Variants in OR1L8 observed in about 807,000 individuals in gnomAD.
OR1L8 encodes olfactory receptor family 1 subfamily L member 8.
For synonymous variants in OR1L8, 148 were observed against 147.0 expected (o/e 1.01, Z -0.05); for missense variants, 330 against 377.4 (o/e 0.87, Z 1.04).
At position 122,568,674 on chromosome 9, in the gene OR1L8, G is replaced by T; in HGVS notation, c.-197C>A. 2.0e-6 allele frequency: 1 copy of T among 506,836 alleles called. No homozygotes were observed. The highest frequency in any genetic ancestry group is 3.4e-6 in the Non-Finnish European group (1 of 290,032). 31.4% of individuals were successfully genotyped at this position (506,836 alleles called of 1,614,324 possible). ...TTCCCAAATCTATGGGCTCCATAAG[G>T]GCATTATATTGAAATCTGGAGGGAC... is the stretch of plus-strand genomic sequence containing the variant. On this transcript the variant is annotated 5_prime_UTR_variant, in exon 5 of 5. Transcript: ENST00000641027.
At chr9:122,580,988 A>ACT (rs1251722649) in intron 1 of OR1L8, among the ~76,000 whole-genome samples, 1 of 152,136 alleles carries the variant, frequency 6.6e-6, no homozygotes, top group Admixed American at 6.6e-5. Context: ...ATTAAGCAAT[A>ACT]CTCAGTGTCT....
At position 122,568,793 on chromosome 9, in the gene OR1L8, C is replaced by T. The variant is rs111288841; in HGVS notation, c.-212-104G>A. 1,408 of 232,904 alleles carry T rather than the reference C, an allele frequency of 6.0e-3. 18 individuals are homozygous for T. The highest frequency in any genetic ancestry group is 0.03 in the African/African-American group (1,314 of 44,266). 14.4% of individuals were successfully genotyped at this position (232,904 alleles called of 1,614,324 possible). On this transcript the variant is annotated intron_variant, in intron 4 of 4. Transcript: ENST00000641027. The stretch of plus-strand genomic sequence containing the variant: ...TCTGTGAAAAGCACTATTCACCTGC[C>T]GGGGACATAGCAATAGAGCAGACAG...
At chr9:122,556,367 T>G in the OR1L8 span, among the ~76,000 whole-genome samples, 1 of 152,168 alleles carries the variant, frequency 6.6e-6, no homozygotes, top group South Asian at 2.1e-4. Flanking sequence ...TCTTTCATCC[T>G]TTGTCAAAAA....
Position 122,567,736 on chromosome 9 carries a change from C to A in OR1L8, c.742G>T (p.Val248Leu), listed in dbSNP as rs140524137. The A allele has an allele frequency of 4.3e-6, 7 of 1,613,950 alleles. No homozygotes were observed. The highest frequency in any genetic ancestry group is 2.2e-5 in the South Asian group (2 of 91,046). ...AFSTCGFYLTVVTLFYGSIFC... is the reference protein window; with the variant it reads ...AFSTCGFYLTLVTLFYGSIFC... ...ATGCTTCCATAAAAGAGCGTCACCA[C>A]GGTGAGGTAAAAACCACAGGTGGAG... The change falls in exon 5 of 5, where the codon GTG becomes TTG. Residue 248 changes from valine (V) to leucine (L), a missense_variant. Coordinates refer to ENST00000641027, the MANE Select transcript of OR1L8 (RefSeq NM_001004454.2).
the OR1L8 span, among the ~76,000 whole-genome samples, chr9:122,552,073 T>TCA: frequency 1.6e-3 from 231 of 142,494 alleles, no homozygotes; most frequent in Non-Finnish European, 2.6e-3. Context: ...TCTCTCTCTC[T>TCA]CTCTCTCACA....
the OR1L8 span, among the ~76,000 whole-genome samples, chr9:122,554,649 G>A: frequency 6.6e-6 from 1 of 152,126 alleles, no homozygotes; most frequent in Non-Finnish European, 1.5e-5. Flanking sequence ...TATGCCTATC[G>A]ACTCCCTTTC....
chr9:122,554,159 A>G, the OR1L8 span: 9 of 1,607,670 alleles, frequency 5.6e-6, no homozygotes, highest in South Asian at 3.3e-5. Flanking sequence ...CATTCTTTTT[A>G]TGATTAGACA....
chr9:122,581,343 C>A (rs1829736335), intron 1 of OR1L8, among the ~76,000 whole-genome samples: 1 of 150,914 alleles, frequency 6.6e-6, no homozygotes, highest in Admixed American at 6.6e-5. Context: ...TCCAGCCTGG[C>A]GACAGAGCAA....
chr9:122,576,341 C>T (rs997101736), intron 3 of OR1L8, among the ~76,000 whole-genome samples: 2 of 152,004 alleles, frequency 1.3e-5, no homozygotes, highest in African/African-American at 4.8e-5. Flanking sequence ...CCTGGCTCAG[C>T]CTCCCAAGTA....
At chr9:122,561,799 G>A in the OR1L8 span, among the ~76,000 whole-genome samples, 1 of 152,312 alleles carries the variant, frequency 6.6e-6, no homozygotes, top group Admixed American at 6.5e-5. Flanking sequence ...CCCTGTTGCA[G>A]GGTCTCACCC....
chr9:122,554,182 T>C, the OR1L8 span: 1 of 1,568,440 alleles, frequency 6.4e-7, no homozygotes, highest in South Asian at 1.2e-5. Context: ...TAGACGGTGA[T>C]GTCTAATCTT....
downstream of OR1L8, among the ~76,000 whole-genome samples, chr9:122,564,313 TG>T (rs1564198227): frequency 1.3e-5 from 2 of 152,156 alleles, no homozygotes; most frequent in Non-Finnish European, 2.9e-5. Context: ...AGTGCAACTG[TG>T]GTTATTTCTC....
intron 3 of OR1L8, among the ~76,000 whole-genome samples, chr9:122,575,397 CTTTT>C (rs1829635567): frequency 1.3e-5 from 2 of 151,988 alleles, no homozygotes; most frequent in Admixed American, 1.3e-4. Flanking sequence ...TTCATCATTT[CTTTT>C]TGTGTGCATT....
At chr9:122,559,298 T>C in the OR1L8 span, among the ~76,000 whole-genome samples, 1 of 151,820 alleles carries the variant, frequency 6.6e-6, no homozygotes, top group Non-Finnish European at 1.5e-5. Context: ...TATGTAATAT[T>C]TATTTTTATT....
intron 3 of OR1L8, among the ~76,000 whole-genome samples, chr9:122,574,862 AT>A (rs1829622632): frequency 1.3e-5 from 2 of 151,972 alleles, no homozygotes; most frequent in African/African-American, 4.8e-5. Context: ...AAGTTGAGGA[AT>A]TTTCCTTCTA....
the OR1L8 span, among the ~76,000 whole-genome samples, chr9:122,558,959 G>A: frequency 6.6e-6 from 1 of 151,616 alleles, no homozygotes; most frequent in African/African-American, 2.4e-5. Flanking sequence ...TAAGGTACAG[G>A]GTGATATTTC....
At chr9:122,551,401 A>G in the OR1L8 span, among the ~76,000 whole-genome samples, 2 of 152,184 alleles carry the variant, frequency 1.3e-5, no homozygotes, top group African/African-American at 4.8e-5. Context: ...AGGTTGCCTC[A>G]TTAATTGAGT....
chr9:122,571,028 TA>T (rs1465854029), intron 4 of OR1L8, among the ~76,000 whole-genome samples: 1 of 152,224 alleles, frequency 6.6e-6, no homozygotes, highest in African/African-American at 2.4e-5. Flanking sequence ...TTGGTAAAGC[TA>T]TACATATCTT....
chr9:122,565,247 G>T (rs1829409858), downstream of OR1L8, among the ~76,000 whole-genome samples: 1 of 152,204 alleles, frequency 6.6e-6, no homozygotes, highest in Admixed American at 6.5e-5. Context: ...GATACCTGGG[G>T]AAGAGCAATG....
Sources: allele counts gnomAD v4.1 joint callset (sites outside exome capture counted in the v4.1 genomes callset), GRCh38; gene constraint gnomAD v4.1.1; transcripts MANE v1.5; gene names NCBI Gene and HGNC (gene_info 2026-07-23, HGNC 2026-07-21).